WNK2: variants seen among roughly 807,000 people sequenced by gnomAD.
WNK2 encodes serine/threonine-protein kinase WNK2.
In WNK2, 67 loss-of-function variants were observed where a neutral mutation model predicts 192.1. The observed-to-expected ratio is 0.35, with a 90% CI of 0.29 to 0.43. WNK2 has a LOEUF of 0.43. Among genes scored for constraint, WNK2 ranks in the 20% least tolerant of loss-of-function variants. The pLI, the probability that WNK2 is intolerant of heterozygous loss-of-function variation, is 1.00. For missense variants in WNK2, 2,698 were observed against 3,089.7 expected (o/e 0.87, Z 3.01); for synonymous variants, 1,439 against 1,393.9 (o/e 1.03, Z -0.72).
chr9:93,262,936 T>C (rs1166537096), intron 14 of WNK2, among the ~76,000 whole-genome samples: 2 of 152,246 alleles, frequency 1.3e-5, no homozygotes, highest in African/African-American at 4.8e-5. Context: ...GGCCCCTGGC[T>C]GGGCTCTGGG....
chr9:93,234,634 A>G (rs932855357), intron 4 of WNK2, among the ~76,000 whole-genome samples, 174 bp from the exon 5 acceptor site: 6 of 152,162 alleles, frequency 3.9e-5, no homozygotes, highest in African/African-American at 1.4e-4. Flanking sequence ...TGTAAAGCAC[A>G]CCTGTGTCCC....
At chr9:93,255,896 T>A (rs1386609874) in intron 9 of WNK2, among the ~76,000 whole-genome samples, 1 of 152,212 alleles carries the variant, frequency 6.6e-6, no homozygotes, top group Non-Finnish European at 1.5e-5. Flanking sequence ...TCACATGCTG[T>A]TCCAGGGCCC....
At chr9:93,249,280 C>T (rs965644100) in intron 8 of WNK2, among the ~76,000 whole-genome samples, 4 of 152,118 alleles carry the variant, frequency 2.6e-5, no homozygotes, top group African/African-American at 7.2e-5. Context: ...GAGGATATTT[C>T]TATATGTTTA....
intron 28 of WNK2, among the ~76,000 whole-genome samples, chr9:93,314,229 C>G (rs531289372): frequency 2.5e-4 from 38 of 152,260 alleles, no homozygotes; most frequent in Non-Finnish European, 4.6e-4. Flanking sequence ...TTGCAGTGAG[C>G]CGAGATTGTG....
At chr9:93,202,325 CGTGTGTGTGT>C (rs761769543) in intron 2 of WNK2, among the ~76,000 whole-genome samples, 2,467 of 130,644 alleles carry the variant, frequency 0.019, 62 homozygotes, top group African/African-American at 0.062. Context: ...TCCGTGTGCA[CGTGTGTGTGT>C]GTGTGTGTGT....
intron 19 of WNK2, among the ~76,000 whole-genome samples, chr9:93,280,160 G>T (rs1754024417): frequency 6.6e-6 from 1 of 152,274 alleles, no homozygotes; most frequent in South Asian, 2.1e-4. Flanking sequence ...TGTGATAAAG[G>T]TCTTGTATCC....
At chr9:93,252,825 GT>G in intron 8 of WNK2, 57 bp from the exon 9 acceptor site, 1 of 1,325,660 alleles carries the variant, frequency 7.5e-7, no homozygotes, top group Non-Finnish European at 9.8e-7. Flanking sequence ...ATGAGCCAAT[GT>G]TTGTTCATGT....
At chr9:93,314,308 C>T (rs1854210522) in intron 28 of WNK2, among the ~76,000 whole-genome samples, 1 of 151,930 alleles carries the variant, frequency 6.6e-6, no homozygotes, top group African/African-American at 2.4e-5. Flanking sequence ...AACAGCTGGG[C>T]ATGGTGGTGC....
At chr9:93,262,833 A>G (rs1332698403) in intron 14 of WNK2, 114 bp downstream of exon 14, 1 of 1,219,622 alleles carries the variant, frequency 8.2e-7, no homozygotes, top group East Asian at 2.5e-5. Flanking sequence ...GTTTGCCCTG[A>G]TGCCATTAGG....
At chr9:93,306,846 T>C (rs372731270) in intron 27 of WNK2, 25 bp downstream of exon 27, 3 of 1,613,918 alleles carry the variant, frequency 1.9e-6, no homozygotes, top group African/African-American at 2.7e-5. Flanking sequence ...TTTTTCCCCT[T>C]TGTCCTCTCT....
chr9:93,306,962 G>A (rs545280938), intron 27 of WNK2, 141 bp downstream of exon 27: 15 of 1,023,576 alleles, frequency 1.5e-5, no homozygotes, highest in East Asian at 7.2e-5. Context: ...CCTCTCGGCC[G>A]GGCACTGCTT....
intron 2 of WNK2, among the ~76,000 whole-genome samples, chr9:93,201,809 ATGCT>A (rs1238103561): frequency 6.6e-6 from 1 of 152,248 alleles, no homozygotes; most frequent in Non-Finnish European, 1.5e-5. Context: ...AGACAAAGGC[ATGCT>A]CTGTTCCCCG....
At chr9:93,298,201 C>T (rs1018309832) in intron 24 of WNK2, 134 bp downstream of exon 24, 20 of 1,007,030 alleles carry the variant, frequency 2.0e-5, no homozygotes, top group Middle Eastern at 3.2e-4. Context: ...TACTGAATCT[C>T]CTTTCCCTGG....
At chr9:93,269,529 A>G (rs1483892586) in intron 19 of WNK2, among the ~76,000 whole-genome samples, 2 of 152,250 alleles carry the variant, frequency 1.3e-5, no homozygotes, top group Non-Finnish European at 2.9e-5. Context: ...AGCTGAAACA[A>G]GGTGATCTCA....
intron 19 of WNK2, among the ~76,000 whole-genome samples, chr9:93,282,364 A>G (rs1847867505): frequency 1.3e-5 from 2 of 152,162 alleles, no homozygotes; most frequent in Non-Finnish European, 2.9e-5. Context: ...AACACTGAAC[A>G]TGGAGAACAC....
At chr9:93,289,641 A>T in intron 20 of WNK2, 21 bp downstream of exon 20, 1 of 1,443,304 alleles carries the variant, frequency 6.9e-7, no homozygotes, top group Admixed American at 2.7e-5. Flanking sequence ...GCCTTGTCCC[A>T]GAGACACTGC....
At chr9:93,201,221 G>A (rs930824012) in intron 2 of WNK2, among the ~76,000 whole-genome samples, 7 of 152,162 alleles carry the variant, frequency 4.6e-5, no homozygotes, top group East Asian at 1.9e-4. Flanking sequence ...GGCCGAGTGC[G>A]TTTCACTGTC....
chr9:93,315,997 G>T (rs1385326211), intron 28 of WNK2: 1 of 152,140 alleles, frequency 6.6e-6, no homozygotes, highest in African/African-American at 2.4e-5. Flanking sequence ...TTGATGCAGA[G>T]GTAAATCTGT....
chr9:93,210,971 C>G (rs566592089), intron 2 of WNK2, among the ~76,000 whole-genome samples: 101 of 152,000 alleles, frequency 6.6e-4, no homozygotes, highest in African/African-American at 2.3e-3. Flanking sequence ...TCATTCACTC[C>G]CTCCCTTCTT....
Sources: allele counts gnomAD v4.1 joint callset (sites outside exome capture counted in the v4.1 genomes callset), GRCh38; gene constraint gnomAD v4.1.1; transcripts MANE v1.5; gene names NCBI Gene and HGNC (gene_info 2026-07-23, HGNC 2026-07-21).